The following COL26A1 variants were observed in gnomAD, a reference collection of about 807,000 sequenced individuals.
COL26A1 encodes the protein collagen type XXVI alpha 1 chain, also known as collagen alpha-1(XXVI) chain.
Under a neutral mutation model 59.3 loss-of-function variants are expected in COL26A1, and 41 were observed. The ratio of observed to expected loss-of-function variants is 0.69; its 90% CI spans 0.54 to 0.90. COL26A1 has a LOEUF of 0.90. Ranked by LOEUF, COL26A1 falls within the 40% of genes least tolerant of loss-of-function variation. The probability of loss-of-function intolerance (pLI) is 0.00; values close to 1 mark genes in which losing one functional copy is unlikely to be tolerated. For missense variants in COL26A1, 612 were observed against 602.3 expected, an observed-to-expected ratio of 1.02 and a Z score of -0.17; for synonymous variants, 266 against 256.0, an observed-to-expected ratio of 1.04 and a Z score of -0.37.
At chr7:101,427,089 C>T (rs1287380857) in intron 2 of COL26A1, among the ~76,000 whole-genome samples, 1 of 152,216 alleles carries the variant, frequency 6.6e-6, no homozygotes, top group Admixed American at 6.5e-5. Context: ...GAGGGAGCCT[C>T]ACTCTGTTGC....
At chr7:101,449,353 C>G (rs948585365) in intron 3 of COL26A1, among the ~76,000 whole-genome samples, 6 of 152,220 alleles carry the variant, frequency 3.9e-5, no homozygotes, top group African/African-American at 1.4e-4. Context: ...TCTGGTCCCC[C>G]CAACGGGATG....
chr7:101,489,805 T>TCTTTCTTTCTTTCTTC, intron 3 of COL26A1, among the ~76,000 whole-genome samples: 1 of 2,130 alleles, frequency 4.7e-4, no homozygotes. Flanking sequence ...TTTCTTTCTT[T>TCTTTCTTTCTTTCTTC]CTTTCTTTCT....
chr7:101,475,153 G>A (rs1794002593), intron 3 of COL26A1, among the ~76,000 whole-genome samples: 2 of 152,128 alleles, frequency 1.3e-5, no homozygotes, highest in East Asian at 1.9e-4. Flanking sequence ...CCGAGATCGC[G>A]CCACTGCACT....
In COL26A1 at chr7:101,369,539, C is replaced by T. The variant is rs577923956; in HGVS notation, c.158+6349C>T. Among the ~76,000 whole-genome samples the T allele has an allele frequency of 6.1e-5, 9 of 146,922 alleles. 1 individual carries two copies. The South Asian group carries it at 2.0e-3, about 33-fold the overall frequency. ...TCTCGGCTCACTGCAAGCTCTGCCT[C>T]CCGGGTTCAGGCCATTCTCCTGCCT... On this transcript the variant is annotated intron_variant, in intron 1 of 12. Coordinates refer to ENST00000313669, the MANE Select transcript of COL26A1 (RefSeq NM_001278563.3).
chr7:101,438,071 G>A (rs1053568883), intron 2 of COL26A1, among the ~76,000 whole-genome samples: 8 of 147,738 alleles, frequency 5.4e-5, no homozygotes, highest in Non-Finnish European at 1.2e-4. Context: ...CTTTAAAAAC[G>A]TCACTTGGAG....
chr7:101,529,480 G>C (rs1282302491), intron 3 of COL26A1, among the ~76,000 whole-genome samples: 1 of 152,028 alleles, frequency 6.6e-6, no homozygotes, highest in Non-Finnish European at 1.5e-5. Context: ...TGTTGGCCAG[G>C]CTGGTCTCGA....
At chr7:101,390,148 GTTTTTTTTT>G (rs60091954) in intron 1 of COL26A1, among the ~76,000 whole-genome samples, 147 of 72,362 alleles carry the variant, frequency 2.0e-3, no homozygotes, top group African/African-American at 6.8e-3. Flanking sequence ...CATGTTAAGG[GTTTTTTTTT>G]TTTTTTTTTT....
chr7:101,429,367 A>G (rs1792723392), intron 2 of COL26A1, among the ~76,000 whole-genome samples: 1 of 152,038 alleles, frequency 6.6e-6, no homozygotes, highest in African/African-American at 2.4e-5. Context: ...TTCTAGCACC[A>G]TTTGTTGAAG....
intron 9 of COL26A1, among the ~76,000 whole-genome samples, chr7:101,549,645 G>C (rs61712653): frequency 0.36 from 55,250 of 152,084 alleles, 10,405 homozygotes; most frequent in African/African-American, 0.42. Flanking sequence ...GCCTCCCAAA[G>C]TGCTGGGATT....
At chr7:101,435,844 C>T (rs552921312) in intron 2 of COL26A1, among the ~76,000 whole-genome samples, 43 of 152,328 alleles carry the variant, frequency 2.8e-4, no homozygotes, top group Admixed American at 4.6e-4. Flanking sequence ...GAGGGATTTG[C>T]CGGAACTCTC....
chr7:101,400,689 G>C (rs1288813445), intron 1 of COL26A1, among the ~76,000 whole-genome samples: 2 of 152,146 alleles, frequency 1.3e-5, no homozygotes, highest in Non-Finnish European at 2.9e-5. Context: ...CTCCCGAGTA[G>C]CTGGGATTAC....
intron 1 of COL26A1, among the ~76,000 whole-genome samples, chr7:101,409,574 G>A (rs569432218): frequency 6.6e-6 from 1 of 151,648 alleles, no homozygotes; most frequent in African/African-American, 2.4e-5. Flanking sequence ...TCTGGAAGCT[G>A]GAAGTAGAAG....
chr7:101,426,080 C>T (rs1004889638), intron 2 of COL26A1, among the ~76,000 whole-genome samples: 2 of 152,088 alleles, frequency 1.3e-5, no homozygotes, highest in Non-Finnish European at 2.9e-5. Flanking sequence ...ACCCATCAGC[C>T]TCTCAAAGTG....
chr7:101,500,211 C>G (rs886377092), intron 3 of COL26A1, among the ~76,000 whole-genome samples: 1 of 152,162 alleles, frequency 6.6e-6, no homozygotes, highest in African/African-American at 2.4e-5. Context: ...CCCTTCCTAG[C>G]CTTTCCAGGG....
intron 3 of COL26A1, among the ~76,000 whole-genome samples, chr7:101,502,863 T>C (rs1794734127): frequency 1.3e-5 from 2 of 152,192 alleles, no homozygotes; most frequent in Admixed American, 1.3e-4. Flanking sequence ...CGGGGCTGCC[T>C]GGCTCTGTGC....
intron 3 of COL26A1, among the ~76,000 whole-genome samples, chr7:101,508,531 A>AAAAAAG (rs60907399): frequency 2.7e-5 from 4 of 149,936 alleles, no homozygotes; most frequent in African/African-American, 9.8e-5. Flanking sequence ...AAAAAAAAAA[A>AAAAAAG]GATGATGGTC....
intron 1 of COL26A1, among the ~76,000 whole-genome samples, chr7:101,397,796 C>G (rs911734027): frequency 4.6e-5 from 7 of 152,284 alleles, no homozygotes; most frequent in East Asian, 1.9e-4. Context: ...CCTCAGCCCC[C>G]CAAGGTGCTG....
intron 1 of COL26A1, among the ~76,000 whole-genome samples, chr7:101,387,772 A>ATTTTTTTTTTTT (rs1374717696): frequency 7.1e-5 from 3 of 42,512 alleles, no homozygotes; most frequent in African/African-American, 1.5e-4. Flanking sequence ...ATATATATAT[A>ATTTTTTTTTTTT]TATATATTTT....
chr7:101,456,014 C>T (rs919563089), intron 3 of COL26A1, among the ~76,000 whole-genome samples: 5 of 152,064 alleles, frequency 3.3e-5, no homozygotes, highest in Non-Finnish European at 2.9e-5. Context: ...CATAAATTAT[C>T]ATGAACATCT....
Sources: allele counts gnomAD v4.1 joint callset (sites outside exome capture counted in the v4.1 genomes callset), GRCh38; gene constraint gnomAD v4.1.1; transcripts MANE v1.5; gene names NCBI Gene and HGNC (gene_info 2026-07-23, HGNC 2026-07-21).